The following IL1RAPL2 variants were observed in gnomAD, a reference collection of about 807,000 sequenced individuals.
IL1RAPL2 encodes X-linked interleukin-1 receptor accessory protein-like 2.
In IL1RAPL2, 3 loss-of-function variants were observed where a neutral mutation model predicts 44.1. The ratio of observed to expected loss-of-function variants is 0.07; its 90% CI spans 0.03 to 0.18. The LOEUF (loss-of-function observed/expected upper bound fraction) is 0.18. IL1RAPL2 is among the 10% of genes least tolerant of loss of function. The pLI is 1.00. For synonymous variants in IL1RAPL2, 181 were observed against 178.8 expected (o/e 1.01, Z -0.10); for missense variants, 391 against 496.4 (o/e 0.79, Z 2.02).
intron 5 of IL1RAPL2, among the ~76,000 whole-genome samples, chrX:105,403,616 T>C (rs1215858638): frequency 8.9e-6 from 1 of 111,759 alleles, no homozygotes. Flanking sequence ...GAGGTGGATG[T>C]CACATTAATC....
chrX:105,186,031 A>G (rs2033582724), intron 2 of IL1RAPL2, among the ~76,000 whole-genome samples: 1 of 112,291 alleles, frequency 8.9e-6, no homozygotes, highest in Non-Finnish European at 1.9e-5. Context: ...TTTACATTGT[A>G]TTAGGTATTA....
At chrX:105,161,218 A>AAAT (rs34426902) in intron 2 of IL1RAPL2, among the ~76,000 whole-genome samples, 50,906 of 100,875 alleles carry the variant, frequency 0.5, 12,373 homozygotes, top group East Asian at 0.71. Context: ...ACCCTGTCTC[A>AAAT]AATAATAATA....
chrX:104,740,739 TATTC>T (rs1443883460), intron 2 of IL1RAPL2, among the ~76,000 whole-genome samples: 1 of 111,628 alleles, frequency 9.0e-6, no homozygotes, highest in African/African-American at 3.2e-5. Flanking sequence ...TTATATAAAA[TATTC>T]AATCATGCTT....
chrX:105,354,051 A>G, intron 5 of IL1RAPL2, among the ~76,000 whole-genome samples: 1 of 110,912 alleles, frequency 9.0e-6, no homozygotes, highest in South Asian at 3.8e-4. Flanking sequence ...CCCATTCAGT[A>G]TGATATTGGC....
At chrX:104,879,733 T>C (rs1335443280) in intron 2 of IL1RAPL2, among the ~76,000 whole-genome samples, 1 of 111,957 alleles carries the variant, frequency 8.9e-6, no homozygotes, top group Non-Finnish European at 1.9e-5. Context: ...CAAATTGACT[T>C]CATCCTCTAC....
intron 5 of IL1RAPL2, among the ~76,000 whole-genome samples, chrX:105,353,499 T>C (rs2035174737): frequency 8.9e-6 from 1 of 111,779 alleles, no homozygotes; most frequent in Non-Finnish European, 1.9e-5. Context: ...GGGGATAGCA[T>C]TGAATCTATA....
chrX:105,215,458 G>A (rs1254268160), intron 3 of IL1RAPL2, among the ~76,000 whole-genome samples: 9 of 111,750 alleles, frequency 8.1e-5, no homozygotes, highest in Admixed American at 5.7e-4. Context: ...TGAAATTGAG[G>A]CAGTAATTAA....
chrX:105,148,242 T>C (rs2033196213), intron 2 of IL1RAPL2, among the ~76,000 whole-genome samples: 1 of 111,516 alleles, frequency 9.0e-6, no homozygotes, highest in Admixed American at 9.5e-5. Flanking sequence ...AATGGACCTA[T>C]GGCCACCTCC....
chrX:105,195,388 T>C, intron 2 of IL1RAPL2, 87 bp from the exon 3 acceptor site: 1 of 886,048 alleles, frequency 1.1e-6, no homozygotes, highest in Non-Finnish European at 1.6e-6. Flanking sequence ...TGTGGAGCAC[T>C]TAGGACATGT....
chrX:105,192,696 C>T (rs2033642533), intron 2 of IL1RAPL2, among the ~76,000 whole-genome samples: 1 of 108,425 alleles, frequency 9.2e-6, no homozygotes, highest in African/African-American at 3.4e-5. Flanking sequence ...GTTATCATAC[C>T]TCTGGTCCAT....
At chrX:104,624,442 C>T (rs1929459687) in intron 1 of IL1RAPL2, among the ~76,000 whole-genome samples, 1 of 110,387 alleles carries the variant, frequency 9.1e-6, no homozygotes, top group Non-Finnish European at 1.9e-5. Flanking sequence ...TACAAGTAGT[C>T]AATAAATATA....
chrX:104,885,478 T>C (rs918898821), intron 2 of IL1RAPL2, among the ~76,000 whole-genome samples: 4 of 111,961 alleles, frequency 3.6e-5, no homozygotes, highest in African/African-American at 1.3e-4. Flanking sequence ...TATACTCCCC[T>C]GTCACCCAAC....
At chrX:104,936,264 C>T (rs781303827) in intron 2 of IL1RAPL2, among the ~76,000 whole-genome samples, 2 of 111,871 alleles carry the variant, frequency 1.8e-5, no homozygotes, top group South Asian at 7.5e-4. Flanking sequence ...GATTATGACC[C>T]ATTCCTGGAT....
chrX:104,636,558 C>T (rs1188787133), intron 1 of IL1RAPL2, among the ~76,000 whole-genome samples: 1 of 112,033 alleles, frequency 8.9e-6, no homozygotes, highest in African/African-American at 3.2e-5. Flanking sequence ...ACCCCTCCCC[C>T]AGCCTTGCTG....
At chrX:105,018,347 G>A (rs950779103) in intron 2 of IL1RAPL2, among the ~76,000 whole-genome samples, 3 of 110,908 alleles carry the variant, frequency 2.7e-5, no homozygotes, top group South Asian at 3.8e-4. Context: ...GCATTCCTTC[G>A]CTCAGTATGC....
chrX:105,417,489 G>A (rs959213354), intron 5 of IL1RAPL2, among the ~76,000 whole-genome samples: 5 of 112,545 alleles, frequency 4.4e-5, no homozygotes, highest in African/African-American at 1.3e-4. Flanking sequence ...TAAATTATGT[G>A]ATTTATATGA....
intron 4 of IL1RAPL2, among the ~76,000 whole-genome samples, chrX:105,243,567 G>A (rs184840048): frequency 0.075 from 6,044 of 80,586 alleles, 463 homozygotes; most frequent in African/African-American, 0.44. Context: ...ATATATGTGT[G>A]TATATATATA....
chrX:105,438,247 G>T (rs747088772), intron 5 of IL1RAPL2, among the ~76,000 whole-genome samples: 1 of 111,379 alleles, frequency 9.0e-6, no homozygotes, highest in Non-Finnish European at 1.9e-5. Flanking sequence ...GATGACGTGA[G>T]AAATAATGAC....
intron 2 of IL1RAPL2, among the ~76,000 whole-genome samples, chrX:104,832,929 T>G (rs184551822): frequency 5.4e-5 from 6 of 111,527 alleles, no homozygotes; most frequent in Admixed American, 9.7e-5. Flanking sequence ...TTTTGTTCTT[T>G]TGAATTTCAT....
Sources: gnomAD v4.1 joint callset for allele counts (sites outside exome capture counted in the v4.1 genomes callset) on GRCh38, gnomAD v4.1.1 for gene constraint, MANE v1.5 for transcripts, NCBI Gene and HGNC (gene_info 2026-07-23, HGNC 2026-07-21) for gene names.